Variants in POC1A observed in about 807,000 individuals in gnomAD.
POC1A encodes the protein POC1 centriolar protein A.
Under a neutral mutation model 47.8 loss-of-function variants are expected in POC1A, and 34 were observed. That is an observed-to-expected ratio of 0.71 (90% CI 0.54 to 0.95). POC1A has a LOEUF of 0.95. Ranked by LOEUF, POC1A falls within the 40% of genes least tolerant of loss-of-function variation. POC1A has a pLI of 0.00. For missense variants in POC1A, 466 were observed against 528.3 expected, an observed-to-expected ratio of 0.88 and a Z score of 1.16; for synonymous variants, 177 against 207.6, an observed-to-expected ratio of 0.85 and a Z score of 1.27.
At chr3:52,148,052 A>C (rs1357011341) in intron 4 of POC1A, among the ~76,000 whole-genome samples, 1 of 152,266 alleles carries the variant, frequency 6.6e-6, no homozygotes, top group Non-Finnish European at 1.5e-5. Context: ...GACGCACAGC[A>C]CATGGCAACA....
At chr3:52,077,161 GC>G (rs1236647167) in intron 10 of POC1A, among the ~76,000 whole-genome samples, 1 of 152,200 alleles carries the variant, frequency 6.6e-6, no homozygotes, top group Non-Finnish European at 1.5e-5. Flanking sequence ...CAATGGATGA[GC>G]CCATGTGAGT....
At position 52,124,295 on chromosome 3, in the gene POC1A, C is replaced by T. The variant is rs994740573; in HGVS notation, c.882+818G>A. On this transcript the variant is annotated intron_variant, in intron 8 of 10. Transcript: ENST00000296484. ...GAGAAAGACTGCTGATGGTTAGACTCTTCAGTGCTCCTGGCCTCCCCAGTG... is the reference window on the plus strand; with the variant it reads ...GAGAAAGACTGCTGATGGTTAGACTTTTCAGTGCTCCTGGCCTCCCCAGTG... Among the ~76,000 whole-genome samples, 10 of 152,328 alleles carry T rather than the reference C, an allele frequency of 6.6e-5. 1 individual carries two copies. The highest frequency in any genetic ancestry group is 6.2e-4 in the South Asian group (3 of 4,824).
At chr3:52,138,843 G>A (rs1698082397) in intron 6 of POC1A, among the ~76,000 whole-genome samples, 2 of 152,100 alleles carry the variant, frequency 1.3e-5, no homozygotes, top group African/African-American at 2.4e-5. Context: ...ACCCCATGAC[G>A]TTTTTTGAGA....
intron 9 of POC1A, among the ~76,000 whole-genome samples, chr3:52,113,125 G>A (rs1703440447): frequency 6.6e-6 from 1 of 152,220 alleles, no homozygotes; most frequent in Non-Finnish European, 1.5e-5. Context: ...TGCCTGGGAA[G>A]CCCAGCTAGC....
In POC1A at chr3:52,118,845, T is replaced by C. The variant is rs997665952; in HGVS notation, c.981+3534A>G. Among the ~76,000 whole-genome samples the C allele has an allele frequency of 2.6e-5, 4 of 152,196 alleles. No homozygotes were observed. In the East Asian group the frequency reaches 7.7e-4, roughly 29 times the overall value. ...TTCATGAGTTCTTGGGGCATGGCTA[T>C]GGTGCCCATGAGCTCTTTGAGAAGT... On this transcript the variant is annotated intron_variant, in intron 9 of 10. Transcript: ENST00000296484.
rs1702383611 is a variant in POC1A at position 52,084,067 on chromosome 3, G to A, written c.1126-8082C>T. On this transcript the variant is annotated intron_variant, in intron 10 of 10. Coordinates refer to ENST00000296484, the MANE Select transcript of POC1A (RefSeq NM_015426.5). This position sits in a 1 kb window ranked among gnomAD's most constrained non-coding sequence, Gnocchi z 4.3. ...GGTCTGAGTAGGCACAGCCAGGGAGGATGCTGCTCCCACGTGCCTGTGGCC... is the reference window on the plus strand; with the variant it reads ...GGTCTGAGTAGGCACAGCCAGGGAGAATGCTGCTCCCACGTGCCTGTGGCC... 6.6e-6 allele frequency among the ~76,000 whole-genome samples: 1 copy of A among 152,230 alleles called. No homozygotes were observed. The highest frequency in any genetic ancestry group is 6.5e-5 in the Admixed American group (1 of 15,280).
intron 8 of POC1A, among the ~76,000 whole-genome samples, chr3:52,123,823 C>G (rs1577879580): frequency 2.0e-5 from 3 of 152,330 alleles, no homozygotes; most frequent in South Asian, 2.1e-4. Context: ...GCCTCTCCTA[C>G]TATGTCATTT....
chr3:52,086,234 G>C (rs1253674748), intron 10 of POC1A, among the ~76,000 whole-genome samples: 1 of 152,128 alleles, frequency 6.6e-6, no homozygotes, highest in South Asian at 2.1e-4. Flanking sequence ...GCAGTCACCC[G>C]GCCACACTGA....
intron 9 of POC1A, among the ~76,000 whole-genome samples, chr3:52,115,149 AT>A (rs1010520837): frequency 2.0e-3 from 285 of 145,798 alleles, no homozygotes; most frequent in African/African-American, 3.6e-3. Context: ...CTTTAATAGT[AT>A]TTTTTTTTTT....
At chr3:52,099,146 C>T (rs960992585) in intron 9 of POC1A, among the ~76,000 whole-genome samples, 7 of 152,198 alleles carry the variant, frequency 4.6e-5, no homozygotes, top group Non-Finnish European at 1.5e-5. Flanking sequence ...GGAATGATTG[C>T]CCAGCACAGA....
At chr3:52,154,220 TA>T in intron 1 of POC1A, 134 bp downstream of exon 1, 1 of 924,202 alleles carries the variant, frequency 1.1e-6, no homozygotes, top group Non-Finnish European at 1.6e-6. Flanking sequence ...GCGCAGACAG[TA>T]AACTGGACCT....
intron 9 of POC1A, among the ~76,000 whole-genome samples, chr3:52,118,868 A>T (rs768073303): frequency 3.3e-5 from 5 of 152,192 alleles, no homozygotes; most frequent in Admixed American, 6.5e-5. Flanking sequence ...CTCTTTGAGA[A>T]GTCGAGCCAC....
chr3:52,145,123 C>T (rs776236177), intron 6 of POC1A, among the ~76,000 whole-genome samples: 6 of 152,214 alleles, frequency 3.9e-5, no homozygotes, highest in Non-Finnish European at 7.3e-5. Flanking sequence ...TTCCCTGAGC[C>T]CATCCCTGGA....
intron 9 of POC1A, among the ~76,000 whole-genome samples, chr3:52,102,673 T>C (rs1703040742): frequency 6.6e-6 from 1 of 152,236 alleles, no homozygotes; most frequent in Admixed American, 6.5e-5. Flanking sequence ...TTCAACACAC[T>C]ACAAAATGCT....
At chr3:52,147,574 C>T (rs780271977) in intron 4 of POC1A, among the ~76,000 whole-genome samples, 1 of 151,996 alleles carries the variant, frequency 6.6e-6, no homozygotes, top group African/African-American at 2.4e-5. Context: ...GCTGGGACTA[C>T]AGGCGTGCAC....
In POC1A at chr3:52,091,251, G is replaced by A. The variant is rs1056746814; in HGVS notation, c.1125+5318C>T. Among the ~76,000 whole-genome samples the A allele has an allele frequency of 3.9e-5, 6 of 152,174 alleles. No individual in the cohort carries two copies. In the East Asian group the frequency reaches 5.8e-4, roughly 15 times the overall value. Reference sequence around the variant, plus strand: ...GAGGCGTGCGATCTCTCAGTGGGGCGGGGAGCTCGCAGCATGTGACGCCCA... The same window carrying A: ...GAGGCGTGCGATCTCTCAGTGGGGCAGGGAGCTCGCAGCATGTGACGCCCA... On this transcript the variant is annotated intron_variant, in intron 10 of 10. Coordinates refer to ENST00000296484, the MANE Select transcript of POC1A (RefSeq NM_015426.5).
intron 7 of POC1A, among the ~76,000 whole-genome samples, chr3:52,137,191 G>T: frequency 6.6e-6 from 1 of 152,076 alleles, no homozygotes; most frequent in South Asian, 2.1e-4. Flanking sequence ...CAAGGCTGGG[G>T]GCAGCAAGCA....
chr3:52,086,619 C>T (rs1702464271), intron 10 of POC1A, among the ~76,000 whole-genome samples: 1 of 152,228 alleles, frequency 6.6e-6, no homozygotes, highest in South Asian at 2.1e-4. Context: ...TGCTAGCCTG[C>T]TGCCACATGT....
chr3:52,100,207 C>T (rs1702949955), intron 9 of POC1A, among the ~76,000 whole-genome samples: 2 of 152,144 alleles, frequency 1.3e-5, no homozygotes, highest in African/African-American at 4.8e-5. Context: ...TACTCAGCTA[C>T]CCAGACACAT....
Sources: gnomAD v4.1 joint callset for allele counts (sites outside exome capture counted in the v4.1 genomes callset) on GRCh38, gnomAD v4.1.1 for gene constraint, Gnocchi (gnomAD v3.1) non-coding constraint, MANE v1.5 for transcripts, NCBI Gene and HGNC (gene_info 2026-07-23, HGNC 2026-07-21) for gene names.